CNTN4: variants seen among roughly 807,000 people sequenced by gnomAD.
CNTN4 encodes the protein contactin-4.
Under a neutral mutation model 122.5 loss-of-function variants are expected in CNTN4, and 77 were observed. The ratio of observed to expected loss-of-function variants is 0.63; its 90% confidence interval spans 0.52 to 0.76. The LOEUF (loss-of-function observed/expected upper bound fraction) is 0.76. Ranked by LOEUF, CNTN4 falls within the 30% of genes least tolerant of loss-of-function variation. CNTN4 has a pLI of 0.00. For synonymous variants in CNTN4, 512 were observed against 447.0 expected, an observed-to-expected ratio of 1.15 and a Z score of -1.83; for missense variants, 1,256 against 1,259.1, an observed-to-expected ratio of 1.00 and a Z score of 0.04.
intron 12 of CNTN4, among the ~76,000 whole-genome samples, chr3:2,907,625 A>G (rs2094252116): frequency 6.6e-6 from 1 of 152,088 alleles, no homozygotes; most frequent in Non-Finnish European, 1.5e-5. Flanking sequence ...AAAAATATAT[A>G]TGTTGGTTCC....
chr3:2,583,500 C>G (rs1025033279), intron 4 of CNTN4, among the ~76,000 whole-genome samples: 11 of 152,046 alleles, frequency 7.2e-5, no homozygotes, highest in Admixed American at 2.0e-4. Flanking sequence ...TGTCTAAGCT[C>G]TATATAAATG....
intron 3 of CNTN4, among the ~76,000 whole-genome samples, chr3:2,388,588 T>C (rs2046329348): frequency 1.3e-5 from 2 of 152,240 alleles, no homozygotes; most frequent in Non-Finnish European, 2.9e-5. Flanking sequence ...CTTACGCCTG[T>C]AATCACAGCA....
intron 3 of CNTN4, among the ~76,000 whole-genome samples, chr3:2,570,766 A>G (rs187966789): frequency 2.0e-5 from 3 of 152,296 alleles, no homozygotes; most frequent in Non-Finnish European, 2.9e-5. Flanking sequence ...CTCCTAATTC[A>G]GTATTCTTGG....
At chr3:2,225,115 C>T (rs781252958) in intron 2 of CNTN4, among the ~76,000 whole-genome samples, 6 of 151,416 alleles carry the variant, frequency 4.0e-5, no homozygotes, top group Admixed American at 6.6e-5. Context: ...CGCACCACTG[C>T]ACTCCAGCCT....
chr3:3,038,959 A>G lies in CNTN4; in HGVS notation c.2119A>G (p.Ser707Gly), dbSNP rs767456428. ...ALPEVTPANVSGGGGSKSELV... is the reference protein window; with the variant it reads ...ALPEVTPANVGGGGGSKSELV... ...CCCCGAAGTCACACCAGCGAATGTC[A>G]GTGGTGGCGGAGGCAGCAAATCTGA... is the stretch of plus-strand genomic sequence containing the variant. Residue 707 changes from serine to glycine, a missense_variant, in exon 19 of 25, where the codon AGT becomes GGT. Physicochemically the swap from Ser to Gly is moderately conservative, Grantham distance 56. Coordinates refer to ENST00000418658, the MANE Select transcript of CNTN4 (RefSeq NM_175607.3). The G allele has an allele frequency of 1.2e-6, 2 of 1,614,006 alleles. No individual in the cohort carries two copies. The highest frequency in any genetic ancestry group is 4.5e-5 in the East Asian group (2 of 44,892).
rs189339886 is a variant in CNTN4 at position 2,571,400 on chromosome 3, C to A, written c.-88-16C>A. 1,963 of 817,880 alleles carry A rather than the reference C, an allele frequency of 2.4e-3. 5 individuals carry two copies. The highest frequency in any genetic ancestry group is 3.1e-3 in the Non-Finnish European group (1,439 of 464,506). 50.7% of individuals were successfully genotyped at this position (817,880 alleles called of 1,614,324 possible). Reference sequence around the variant, plus strand: ...ATATTCCCAAATCTCATTGTAATGTCTCTTCTTTCCCACAGATTAAAGGTT... The same window carrying A: ...ATATTCCCAAATCTCATTGTAATGTATCTTCTTTCCCACAGATTAAAGGTT... On this transcript the variant is annotated splice_polypyrimidine_tract_variant and intron_variant, in intron 3 of 24. Coordinates refer to ENST00000418658, the MANE Select transcript of CNTN4 (RefSeq NM_175607.3).
At chr3:2,770,609 G>A (rs1279289629) in intron 6 of CNTN4, among the ~76,000 whole-genome samples, 1 of 152,190 alleles carries the variant, frequency 6.6e-6, no homozygotes, top group African/African-American at 2.4e-5. Context: ...ATGCATCACT[G>A]CACTGACCCG....
intron 2 of CNTN4, among the ~76,000 whole-genome samples, chr3:2,298,733 A>C (rs926575749): frequency 3.9e-5 from 6 of 152,230 alleles, no homozygotes; most frequent in Non-Finnish European, 7.3e-5. Context: ...TTATTCCTGA[A>C]GACTACAAGT....
intron 3 of CNTN4, among the ~76,000 whole-genome samples, chr3:2,536,680 T>C (rs1342088470): frequency 6.6e-6 from 1 of 151,716 alleles, no homozygotes; most frequent in Non-Finnish European, 1.5e-5. Context: ...TGCTTTGGCC[T>C]CCCAAAATGG....
rs9840463 is a variant in CNTN4 at position 2,511,903 on chromosome 3, T to C, written c.-88-59513T>C. ...AAATAGGAGCCTTTCAGAATGCTTT[T>C]ATAGAAATTAGAAATTATTGGCTTT... On this transcript the variant is annotated intron_variant, in intron 3 of 24. Coordinates refer to ENST00000418658, the MANE Select transcript of CNTN4 (RefSeq NM_175607.3). Among the ~76,000 whole-genome samples, 928 of 152,328 alleles carry C rather than the reference T, an allele frequency of 6.1e-3. 9 individuals carry two copies. Among genetic ancestry groups the C allele is most frequent in the African/African-American group, 0.021 (856 of 41,578 alleles).
At chr3:2,798,831 AT>A (rs899986194) in intron 6 of CNTN4, among the ~76,000 whole-genome samples, 10 of 151,334 alleles carry the variant, frequency 6.6e-5, no homozygotes, top group South Asian at 2.1e-4. Flanking sequence ...TGATATAATG[AT>A]TTTTTTTTCC....
intron 14 of CNTN4, chr3:3,008,903 ACC>A: frequency 1.0e-6 from 1 of 976,550 alleles, no homozygotes; most frequent in Non-Finnish European, 1.2e-6. Flanking sequence ...AGGGCAAACC[ACC>A]AAGATCTAAT....
chr3:2,617,367 G>A (rs2081801803), intron 4 of CNTN4, among the ~76,000 whole-genome samples: 1 of 149,474 alleles, frequency 6.7e-6, no homozygotes, highest in Admixed American at 6.7e-5. Flanking sequence ...CATTTATGTA[G>A]CCAAGAAACA....
At chr3:2,791,836 C>T (rs907176414) in intron 6 of CNTN4, among the ~76,000 whole-genome samples, 4 of 152,148 alleles carry the variant, frequency 2.6e-5, no homozygotes, top group Admixed American at 6.6e-5. Context: ...GTGGCCACAT[C>T]TTCCCAGTTT....
intron 3 of CNTN4, among the ~76,000 whole-genome samples, chr3:2,444,376 T>C (rs565368684): frequency 2.0e-5 from 3 of 152,176 alleles, no homozygotes; most frequent in South Asian, 2.1e-4. Flanking sequence ...GAGGAAGGGA[T>C]GCAGAGCCAG....
chr3:2,465,056 G>C (rs1157173027), intron 3 of CNTN4, among the ~76,000 whole-genome samples: 1 of 152,194 alleles, frequency 6.6e-6, no homozygotes, highest in Non-Finnish European at 1.5e-5. Context: ...GGTGATGGTT[G>C]CACAGCAGTG....
chr3:2,823,425 T>C (rs759115004), intron 7 of CNTN4, among the ~76,000 whole-genome samples: 2 of 152,222 alleles, frequency 1.3e-5, no homozygotes, highest in Non-Finnish European at 2.9e-5. Context: ...AGTCAGCAGG[T>C]ATTTCCAGCA....
chr3:2,248,768 G>A (rs1432995175), intron 2 of CNTN4, among the ~76,000 whole-genome samples: 1 of 151,922 alleles, frequency 6.6e-6, no homozygotes. Flanking sequence ...CTGTTAAAGC[G>A]ACAGAACAAA....
At chr3:2,824,419 T>C (rs759050117) in intron 7 of CNTN4, among the ~76,000 whole-genome samples, 6 of 151,690 alleles carry the variant, frequency 4.0e-5, no homozygotes, top group Non-Finnish European at 7.4e-5. Context: ...ATCGCGCCAC[T>C]GCACTCCAGC....
Sources: allele counts gnomAD v4.1 joint callset (sites outside exome capture counted in the v4.1 genomes callset), GRCh38; gene constraint gnomAD v4.1.1; transcripts MANE v1.5; gene names NCBI Gene and HGNC (gene_info 2026-07-23, HGNC 2026-07-21).